MICU1: variants seen among roughly 807,000 people sequenced by gnomAD.
The protein encoded by MICU1 is calcium uptake protein 1, mitochondrial.
In MICU1, 45 loss-of-function variants were observed where a neutral mutation model predicts 56.8. The observed-to-expected ratio is 0.79, with a 90% CI of 0.62 to 1.02. The LOEUF is 1.02. Among genes scored for constraint, MICU1 ranks in the 50% least tolerant of loss-of-function variants. The pLI is 0.00. For missense variants in MICU1, 504 were observed against 587.1 expected (o/e 0.86, Z 1.46); for synonymous variants, 186 against 195.1 (o/e 0.95, Z 0.39).
intron 1 of MICU1, among the ~76,000 whole-genome samples, chr10:72,590,434 T>C (rs1480408970): frequency 6.6e-6 from 1 of 152,086 alleles, no homozygotes; most frequent in Non-Finnish European, 1.5e-5. Flanking sequence ...AAGGTAGAAA[T>C]AGACAGTTCT....
rs201124123 is a variant in MICU1 at position 72,517,796 on chromosome 10, T to TA, written c.538-9528dup. Among the ~76,000 whole-genome samples the TA allele has an allele frequency of 1.6e-3, 234 of 142,358 alleles. 1 individual carries two copies. The highest frequency in any genetic ancestry group is 5.5e-3 in the African/African-American group (225 of 40,664). 93.4% of individuals were successfully genotyped at this position (142,358 alleles called of 152,430 possible). ...GGAAATAAAACTTTTTTTTTTTTTT[T>TA]AAAGAAAATGTCAAGTAAAATGATC... On this transcript the variant is annotated intron_variant, in intron 5 of 11. Transcript: ENST00000361114.
chr10:72,493,190 T>C (rs1866722252), intron 6 of MICU1, among the ~76,000 whole-genome samples: 1 of 151,774 alleles, frequency 6.6e-6, no homozygotes, highest in South Asian at 2.1e-4. Context: ...TGCATGTACA[T>C]GTGTATACAC....
At chr10:72,550,154 G>C (rs1307606764) in intron 4 of MICU1, among the ~76,000 whole-genome samples, 1 of 152,070 alleles carries the variant, frequency 6.6e-6, no homozygotes, top group Non-Finnish European at 1.5e-5. Flanking sequence ...TGTAGTCTAA[G>C]TATACAACGT....
chr10:72,413,325 A>C (rs564749779), intron 9 of MICU1, among the ~76,000 whole-genome samples: 1 of 152,368 alleles, frequency 6.6e-6, no homozygotes, highest in Non-Finnish European at 1.5e-5. Flanking sequence ...AAAGGAAAAA[A>C]AACTGATTGG....
intron 8 of MICU1, among the ~76,000 whole-genome samples, chr10:72,433,188 C>T (rs928831378): frequency 6.6e-6 from 1 of 151,966 alleles, no homozygotes; most frequent in Non-Finnish European, 1.5e-5. Context: ...CATCCTCCTG[C>T]CTTGGCTTCC....
At chr10:72,534,183 ATAAT>A (rs946756776) in intron 4 of MICU1, among the ~76,000 whole-genome samples, 5 of 150,240 alleles carry the variant, frequency 3.3e-5, no homozygotes, top group South Asian at 2.1e-4. Flanking sequence ...TTCAAAGAAA[ATAAT>A]TAAACACCAA....
chr10:72,423,933 G>C (rs1864262061), intron 8 of MICU1, among the ~76,000 whole-genome samples: 1 of 152,270 alleles, frequency 6.6e-6, no homozygotes, highest in African/African-American at 2.4e-5. Context: ...TTACATATGA[G>C]ACACGAAATA....
At chr10:72,455,190 T>TA in intron 8 of MICU1, among the ~76,000 whole-genome samples, 1 of 151,154 alleles carries the variant, frequency 6.6e-6, no homozygotes, top group South Asian at 2.1e-4. Flanking sequence ...TTTCTACTGA[T>TA]AAAGTACAAA....
intron 2 of MICU1, among the ~76,000 whole-genome samples, chr10:72,565,060 C>A (rs1840393902): frequency 6.6e-6 from 1 of 151,044 alleles, no homozygotes; most frequent in Admixed American, 6.6e-5. Context: ...GTGGGCAAGT[C>A]ACTTGACCCC....
intron 5 of MICU1, among the ~76,000 whole-genome samples, chr10:72,526,497 T>C (rs1867967063): frequency 6.6e-6 from 1 of 152,224 alleles, no homozygotes; most frequent in African/African-American, 2.4e-5. Context: ...GGTTTCACCA[T>C]GTTGGTCAGG....
intron 5 of MICU1, among the ~76,000 whole-genome samples, chr10:72,527,223 G>T (rs934631042): frequency 2.0e-5 from 3 of 152,008 alleles, no homozygotes; most frequent in Non-Finnish European, 4.4e-5. Flanking sequence ...TATTAAGGCA[G>T]TAAAATTTTA....
At chr10:72,477,906 T>C (rs112669044) in intron 6 of MICU1, among the ~76,000 whole-genome samples, 1,559 of 151,848 alleles carry the variant, frequency 0.01, 26 homozygotes, top group African/African-American at 0.036. Context: ...TTTCACTCTG[T>C]TGCCCAAGCT....
chr10:72,436,500 A>G (rs1449860674), intron 8 of MICU1, among the ~76,000 whole-genome samples: 1 of 152,184 alleles, frequency 6.6e-6, no homozygotes, highest in Non-Finnish European at 1.5e-5. Context: ...ATCAGAGCGC[A>G]TCTTCTCCAA....
intron 6 of MICU1, among the ~76,000 whole-genome samples, chr10:72,496,076 C>T (rs1030747244): frequency 1.3e-5 from 2 of 151,926 alleles, no homozygotes; most frequent in African/African-American, 4.8e-5. Context: ...AAGCGATCCT[C>T]CCACCTCAGC....
chr10:72,537,651 CTG>C (rs1589319775), intron 4 of MICU1, among the ~76,000 whole-genome samples: 1 of 152,136 alleles, frequency 6.6e-6, no homozygotes, highest in East Asian at 1.9e-4. Context: ...GGTTAAATGA[CTG>C]TTTTTTTATT....
rs201437315 is a variant in MICU1, at chr10:72,468,620, GA to G, written c.933+6479del. 1.6e-4 allele frequency among the ~76,000 whole-genome samples: 23 copies of G among 143,244 alleles called. 1 individual carries two copies. In the South Asian group the frequency reaches 2.9e-3, roughly 18 times the overall value. The allele number at this position is 143,244 out of a possible 152,430, so 94.0% of individuals were successfully genotyped here. ...CCAAATAAAGAAAAAAGGGTAGAAT[GA>G]AAAAAAAAAGAGATCAGAATTAAGA... On this transcript the variant is annotated intron_variant, in intron 8 of 11. Coordinates refer to ENST00000361114, the MANE Select transcript of MICU1 (RefSeq NM_001195518.2).
intron 8 of MICU1, among the ~76,000 whole-genome samples, chr10:72,436,926 G>A (rs1049732991): frequency 5.3e-5 from 8 of 152,208 alleles, no homozygotes; most frequent in Admixed American, 2.0e-4. Context: ...TTTGTCTGGT[G>A]TACCTAAAAG....
At chr10:72,589,399 A>C (rs1226902344) in intron 1 of MICU1, among the ~76,000 whole-genome samples, 1 of 152,192 alleles carries the variant, frequency 6.6e-6, no homozygotes. Context: ...TCTTCTGAAG[A>C]CTCAAATGGA....
intron 8 of MICU1, among the ~76,000 whole-genome samples, chr10:72,452,650 C>T (rs1439566833): frequency 1.3e-5 from 2 of 152,154 alleles, no homozygotes; most frequent in Non-Finnish European, 2.9e-5. Flanking sequence ...AGTTTGTAGC[C>T]TTGGAGCAAC....
Sources: gnomAD v4.1 joint callset for allele counts (sites outside exome capture counted in the v4.1 genomes callset) on GRCh38, gnomAD v4.1.1 for gene constraint, MANE v1.5 for transcripts, NCBI Gene and HGNC (gene_info 2026-07-23, HGNC 2026-07-21) for gene names.